Variants in MNAT1 observed in about 807,000 individuals in gnomAD.
MNAT1 encodes MNAT1 component of CDK activating kinase.
Under a neutral mutation model 42.0 loss-of-function variants are expected in MNAT1, and 43 were observed. That is an observed-to-expected ratio of 1.02 (90% confidence interval 0.80 to 1.32). MNAT1 has a LOEUF of 1.32. MNAT1 is among the 40% of genes most tolerant of loss of function. The probability of loss-of-function intolerance (pLI) is 0.00; values close to 1 mark genes in which losing one functional copy is unlikely to be tolerated. For synonymous variants in MNAT1, 118 were observed against 120.0 expected, an observed-to-expected ratio of 0.98 and a Z score of 0.11; for missense variants, 306 against 350.4, an observed-to-expected ratio of 0.87 and a Z score of 1.01.
At chr14:60,777,868 AC>A (rs1275575318) in intron 1 of MNAT1, among the ~76,000 whole-genome samples, 1 of 152,146 alleles carries the variant, frequency 6.6e-6, no homozygotes, top group Non-Finnish European at 1.5e-5. Context: ...AACAAAGTAG[AC>A]CATAACAAGT....
chr14:60,888,497 A>G (rs1280696753), intron 7 of MNAT1, among the ~76,000 whole-genome samples: 1 of 152,118 alleles, frequency 6.6e-6, no homozygotes, highest in Non-Finnish European at 1.5e-5. Flanking sequence ...TATCATACAG[A>G]ATGGACAAAA....
chr14:60,939,940 G>A (rs1395395244), intron 7 of MNAT1, among the ~76,000 whole-genome samples: 1 of 152,132 alleles, frequency 6.6e-6, no homozygotes, highest in Non-Finnish European at 1.5e-5. Flanking sequence ...TATATATTTA[G>A]GATAGTTAGC....
At chr14:60,966,026 A>C (rs1041197893) in intron 7 of MNAT1, among the ~76,000 whole-genome samples, 19 of 152,184 alleles carry the variant, frequency 1.2e-4, no homozygotes, top group African/African-American at 4.6e-4. Flanking sequence ...TGTGTCTTGG[A>C]AAGTAATAAG....
intron 7 of MNAT1, among the ~76,000 whole-genome samples, chr14:60,906,022 T>C (rs907363332): frequency 6.6e-6 from 1 of 152,210 alleles, no homozygotes. Flanking sequence ...TGGAGTAGTG[T>C]GCTATTTTTG....
At chr14:60,813,693 A>G (rs2032627447) in intron 5 of MNAT1, among the ~76,000 whole-genome samples, 1 of 152,210 alleles carries the variant, frequency 6.6e-6, no homozygotes, top group African/African-American at 2.4e-5. Flanking sequence ...ATTTGGCATA[A>G]TATAAATTCA....
At chr14:60,864,730 C>T (rs1174232278) in intron 6 of MNAT1, among the ~76,000 whole-genome samples, 2 of 151,906 alleles carry the variant, frequency 1.3e-5, no homozygotes, top group South Asian at 2.1e-4. Flanking sequence ...TTCTTTTCTG[C>T]ATTTTAGAGT....
intron 1 of MNAT1, among the ~76,000 whole-genome samples, chr14:60,762,519 A>T (rs1383212990): frequency 1.3e-5 from 2 of 151,974 alleles, no homozygotes; most frequent in African/African-American, 4.8e-5. Context: ...ACTAAATGAC[A>T]TCTCTACTAA....
intron 7 of MNAT1, among the ~76,000 whole-genome samples, chr14:60,955,719 A>T (rs2036476573): frequency 6.6e-6 from 1 of 152,070 alleles, no homozygotes; most frequent in African/African-American, 2.4e-5. Flanking sequence ...TTTGTTTACA[A>T]TTTTTATTGC....
At chr14:60,796,469 A>G in intron 2 of MNAT1, 100 bp downstream of exon 2, 1 of 1,062,630 alleles carries the variant, frequency 9.4e-7, no homozygotes, top group Non-Finnish European at 1.3e-6. Flanking sequence ...CAGATTAGCA[A>G]GTAAATAACT....
intron 1 of MNAT1, among the ~76,000 whole-genome samples, chr14:60,771,430 C>T (rs919693038): frequency 5.3e-5 from 8 of 152,156 alleles, no homozygotes; most frequent in Non-Finnish European, 7.4e-5. Context: ...GGTAGTGGCT[C>T]ATACATTAGT....
At chr14:60,961,020 T>C (rs1443318570) in intron 7 of MNAT1, among the ~76,000 whole-genome samples, 1 of 152,110 alleles carries the variant, frequency 6.6e-6, no homozygotes, top group Non-Finnish European at 1.5e-5. Flanking sequence ...TGGAGTGCAA[T>C]GGTGCGATCT....
chr14:60,763,121 G>A (rs1016305498), intron 1 of MNAT1, among the ~76,000 whole-genome samples: 1 of 152,110 alleles, frequency 6.6e-6, no homozygotes, highest in Non-Finnish European at 1.5e-5. Context: ...CTAAATTAGG[G>A]AAGTTAAGAA....
chr14:60,862,723 T>A (rs992145900), intron 6 of MNAT1, among the ~76,000 whole-genome samples: 2 of 152,206 alleles, frequency 1.3e-5, no homozygotes, highest in Admixed American at 6.5e-5. Context: ...TCAAATATAT[T>A]TTTATCTTTA....
chr14:60,738,481 A>G (rs1312017433), intron 1 of MNAT1, among the ~76,000 whole-genome samples: 6 of 151,572 alleles, frequency 4.0e-5, no homozygotes, highest in African/African-American at 1.5e-4. Context: ...GTCTCGAACT[A>G]CTGACTTCGT....
intron 7 of MNAT1, among the ~76,000 whole-genome samples, chr14:60,949,294 T>G (rs546316177): frequency 6.6e-6 from 1 of 152,298 alleles, no homozygotes; most frequent in African/African-American, 2.4e-5. Context: ...CTGTGTGGCC[T>G]GTTTTGAACC....
chr14:60,738,782 G>C (rs1057262080), intron 1 of MNAT1, among the ~76,000 whole-genome samples: 3 of 151,824 alleles, frequency 2.0e-5, no homozygotes, highest in Admixed American at 1.3e-4. Context: ...TGATCCACCC[G>C]CTTTGGCATC....
At chr14:60,755,767 G>A (rs953648857) in intron 1 of MNAT1, among the ~76,000 whole-genome samples, 1 of 152,056 alleles carries the variant, frequency 6.6e-6, no homozygotes, top group Non-Finnish European at 1.5e-5. Context: ...TCTTGTTTTG[G>A]CATTATACTG....
intron 1 of MNAT1, among the ~76,000 whole-genome samples, chr14:60,739,265 C>G (rs1216112547): frequency 6.6e-6 from 1 of 152,140 alleles, no homozygotes; most frequent in Admixed American, 6.5e-5. Flanking sequence ...AAGTGATATA[C>G]CATCACCTCT....
At chr14:60,764,304 G>A (rs532600239) in intron 1 of MNAT1, among the ~76,000 whole-genome samples, 1 of 152,232 alleles carries the variant, frequency 6.6e-6, no homozygotes, top group South Asian at 2.1e-4. Flanking sequence ...ACATAATCCT[G>A]GTGTAGCCCT....
Sources: gnomAD v4.1 joint callset for allele counts (sites outside exome capture counted in the v4.1 genomes callset) on GRCh38, gnomAD v4.1.1 for gene constraint, MANE v1.5 for transcripts, NCBI Gene and HGNC (gene_info 2026-07-23, HGNC 2026-07-21) for gene names.